The following PRKCZ variants were observed in gnomAD, a reference collection of about 807,000 sequenced individuals.
PRKCZ encodes protein kinase C zeta, also known as protein kinase C zeta type.
A neutral mutation model predicts 79.5 loss-of-function variants in PRKCZ; 33 were observed. The ratio of observed to expected loss-of-function variants is 0.41; its 90% CI spans 0.31 to 0.55. The LOEUF is 0.55. Among genes scored for constraint, PRKCZ ranks in the 20% least tolerant of loss-of-function variants. PRKCZ has a pLI of 0.19. For synonymous variants in PRKCZ, 342 were observed against 320.9 expected (o/e 1.07, Z -0.70); for missense variants, 578 against 813.5 (o/e 0.71, Z 3.52).
intron 10 of PRKCZ, among the ~76,000 whole-genome samples, chr1:2,159,147 C>T (rs1681713647): frequency 6.6e-6 from 1 of 152,204 alleles, no homozygotes; most frequent in Admixed American, 6.5e-5. Context: ...GGAGGACCGG[C>T]AGCTGCCTTA....
chr1:2,140,555 G>C (rs1241964366), intron 5 of PRKCZ, among the ~76,000 whole-genome samples: 2 of 152,284 alleles, frequency 1.3e-5, no homozygotes, highest in Non-Finnish European at 2.9e-5. Context: ...TACTCGGTAG[G>C]CTGAGGCAGG....
At chr1:2,070,234 GCCTGCAC>G (rs1183959414) in intron 4 of PRKCZ, among the ~76,000 whole-genome samples, 1 of 152,018 alleles carries the variant, frequency 6.6e-6, no homozygotes, top group Non-Finnish European at 1.5e-5. Flanking sequence ...CCCTGCTCCA[GCCTGCAC>G]CCTGGGGAAA....
chr1:2,135,444 T>G, intron 5 of PRKCZ, 97 bp downstream of exon 5: 1 of 1,215,724 alleles, frequency 8.2e-7, no homozygotes, highest in Non-Finnish European at 1.1e-6. Flanking sequence ...GAGCCCAGGC[T>G]GGGCTCTTTT....
Position 2,172,199 on chromosome 1 carries a change from C to T in PRKCZ, c.1197+9C>T. 1 of 1,613,322 alleles carries T rather than the reference C, an allele frequency of 6.2e-7. No homozygotes were observed. The highest frequency in any genetic ancestry group is 8.5e-7 in the Non-Finnish European group (1 of 1,179,966). On this transcript the variant is annotated intron_variant, in intron 12 of 17. Coordinates refer to ENST00000378567, the MANE Select transcript of PRKCZ (RefSeq NM_002744.6). The surrounding 1 kb of genome is among the most constrained non-coding windows in gnomAD (Gnocchi z 7.8). ...ACTACGGCATGTGCAAGGTGCGTGCCTTGGACCGCCTCCCCTGACCATCCC... is the reference window on the plus strand; with the variant it reads ...ACTACGGCATGTGCAAGGTGCGTGCTTTGGACCGCCTCCCCTGACCATCCC...
chr1:2,100,036 T>C (rs1157786120), intron 4 of PRKCZ, among the ~76,000 whole-genome samples: 1 of 152,142 alleles, frequency 6.6e-6, no homozygotes, highest in African/African-American at 2.4e-5. Context: ...TCATCTTCTG[T>C]AAGAGCCTGC....
rs1290990624 is a variant in PRKCZ, at chr1:2,173,191, G to A, written c.1286-706G>A. Among the ~76,000 whole-genome samples, 1 of 152,196 alleles carries A rather than the reference G, an allele frequency of 6.6e-6. No individual in the cohort carries two copies. Among genetic ancestry groups the A allele is most frequent in the Non-Finnish European group, 1.5e-5 (1 of 68,040 alleles). ...TTTTTTGCCATCAGAATGGGTGTGG[G>A]GCAGGCAGGGCGGGCAGGTCACTCG... On this transcript the variant is annotated intron_variant, in intron 13 of 17. Coordinates refer to ENST00000378567, the MANE Select transcript of PRKCZ (RefSeq NM_002744.6). The surrounding 1 kb of genome is among the most constrained non-coding windows in gnomAD (Gnocchi z 5.7).
chr1:2,133,156 C>T (rs902822961), intron 4 of PRKCZ, among the ~76,000 whole-genome samples: 2 of 152,194 alleles, frequency 1.3e-5, no homozygotes, highest in Non-Finnish European at 2.9e-5. Context: ...TTCAGGGTTT[C>T]CCAGGCGCAC....
intron 4 of PRKCZ, among the ~76,000 whole-genome samples, chr1:2,096,095 C>T (rs905395958): frequency 1.3e-5 from 2 of 151,528 alleles, no homozygotes; most frequent in Non-Finnish European, 2.9e-5. Context: ...TCCCAGGGAG[C>T]AGGCAGCTGC....
At chr1:2,148,791 G>A in intron 7 of PRKCZ, 81 bp from the exon 8 acceptor site, 1 of 1,420,864 alleles carries the variant, frequency 7.0e-7, no homozygotes, top group Non-Finnish European at 9.9e-7. Context: ...CTGCAGAGGA[G>A]CAAGGTCCAC....
chr1:2,101,094 A>G (rs1667368764), intron 4 of PRKCZ, among the ~76,000 whole-genome samples: 1 of 151,062 alleles, frequency 6.6e-6, no homozygotes, highest in Non-Finnish European at 1.5e-5. Context: ...CTCCTCTGGG[A>G]CTGGCCCTGT....
At chr1:2,102,557 C>A (rs1476007814) in intron 4 of PRKCZ, among the ~76,000 whole-genome samples, 1 of 152,166 alleles carries the variant, frequency 6.6e-6, no homozygotes, top group Admixed American at 6.5e-5. Context: ...TGGTCTCGAT[C>A]TCCTGACCTC....
intron 9 of PRKCZ, among the ~76,000 whole-genome samples, chr1:2,153,284 G>C (rs1314398552): frequency 6.6e-6 from 1 of 152,246 alleles, no homozygotes. Flanking sequence ...CCTGAATGCA[G>C]GTTGCGTCTC....
rs1279434449 is a variant in PRKCZ at position 2,172,663 on chromosome 1, C to A, written c.1285+275C>A. The stretch of plus-strand genomic sequence containing the variant: ...ACAGGGAGGGGAAAGACACAGAAAG[C>A]GGGGGTGGGACAGGGTGCAGCACCT... On this transcript the variant is annotated intron_variant, in intron 13 of 17. Transcript: ENST00000378567. This position sits in a 1 kb window ranked among gnomAD's most constrained non-coding sequence, Gnocchi z 7.8. 6.6e-6 allele frequency among the ~76,000 whole-genome samples: 1 copy of A among 152,110 alleles called. No homozygotes were observed. Among genetic ancestry groups the A allele is most frequent in the Non-Finnish European group, 1.5e-5 (1 of 68,018 alleles).
intron 5 of PRKCZ, among the ~76,000 whole-genome samples, chr1:2,136,510 G>A (rs1335361832): frequency 1.3e-5 from 2 of 152,178 alleles, no homozygotes; most frequent in African/African-American, 2.4e-5. Flanking sequence ...GATGCCAGGA[G>A]CACCGAGGAT....
At chr1:2,059,413 T>C in intron 3 of PRKCZ, 128 bp from the exon 4 acceptor site, 1 of 1,120,672 alleles carries the variant, frequency 8.9e-7, no homozygotes, top group Non-Finnish European at 1.3e-6. Context: ...CGGGCTCTCA[T>C]TGGCAGTGCC....
chr1:2,054,676 C>A (rs904242408), intron 1 of PRKCZ, among the ~76,000 whole-genome samples: 1 of 152,262 alleles, frequency 6.6e-6, no homozygotes, highest in South Asian at 2.1e-4. Context: ...TATTTAATCC[C>A]CGCCACTTCA....
Position 2,050,476 on chromosome 1 carries a change from C to T in PRKCZ, c.-155C>T. On this transcript the variant is annotated 5_prime_UTR_variant, in exon 1 of 18. Transcript: ENST00000378567. ...CCGCGCGCCCCCCGCTCCCGCCCCG[C>T]GCGCCGCCGGAGTTCCGCGGAGTTG... 3.4e-6 allele frequency: 1 copy of T among 295,486 alleles called. No individual in the cohort carries two copies. Among genetic ancestry groups the T allele is most frequent in the South Asian group, 1.3e-4 (1 of 7,472 alleles). The allele number at this position is 295,486 out of a possible 1,614,324, so 18.3% of individuals were successfully genotyped here.
Position 2,174,116 on chromosome 1 carries a change from C to T in PRKCZ, c.1405+100C>T. On this transcript the variant is annotated intron_variant, in intron 14 of 17. Coordinates refer to ENST00000378567, the MANE Select transcript of PRKCZ (RefSeq NM_002744.6). The surrounding 1 kb of genome is among the most constrained non-coding windows in gnomAD (Gnocchi z 6.2). Reference sequence around the variant, plus strand: ...GGGGTCCCGCGGGTGCCTGGAGCGGCAGTGCCATGCAAAGCGTACCGGGAA... The same window carrying T: ...GGGGTCCCGCGGGTGCCTGGAGCGGTAGTGCCATGCAAAGCGTACCGGGAA... 3 of 1,402,634 alleles carry T rather than the reference C, an allele frequency of 2.1e-6. No homozygotes were observed. In the South Asian group the frequency reaches 4.3e-5, roughly 20 times the overall value. 86.9% of individuals were successfully genotyped at this position (1,402,634 alleles called of 1,614,324 possible).
chr1:2,093,425 G>C (rs377012913), intron 4 of PRKCZ, among the ~76,000 whole-genome samples: 1 of 152,128 alleles, frequency 6.6e-6, no homozygotes, highest in Non-Finnish European at 1.5e-5. Context: ...ACCCTGCTTC[G>C]TGCGGGGACT....
Sources: allele counts gnomAD v4.1 joint callset (sites outside exome capture counted in the v4.1 genomes callset), GRCh38; gene constraint gnomAD v4.1.1; non-coding constraint Gnocchi (gnomAD v3.1); transcripts MANE v1.5; gene names NCBI Gene and HGNC (gene_info 2026-07-23, HGNC 2026-07-21).